SLC17A4: variants seen among roughly 807,000 people sequenced by gnomAD.
SLC17A4 encodes the protein solute carrier family 17 member 4.
SLC17A4 carries 33 observed loss-of-function variants against 52.5 expected under a neutral mutation model. The ratio of observed to expected loss-of-function variants is 0.63; its 90% CI spans 0.48 to 0.84. SLC17A4 has a LOEUF of 0.84. SLC17A4 is among the 40% of genes least tolerant of loss of function. The pLI, the probability that SLC17A4 is intolerant of heterozygous loss-of-function variation, is 0.00. For synonymous variants in SLC17A4, 225 were observed against 216.2 expected, an observed-to-expected ratio of 1.04 and a Z score of -0.36; for missense variants, 585 against 597.1, an observed-to-expected ratio of 0.98 and a Z score of 0.21.
intron 2 of SLC17A4, among the ~76,000 whole-genome samples, chr6:25,763,341 G>A (rs1277436987): frequency 6.6e-6 from 1 of 152,114 alleles, no homozygotes; most frequent in Non-Finnish European, 1.5e-5. Flanking sequence ...ACCTAATAAG[G>A]CAGAACCCCA....
At chr6:25,758,018 C>T (rs1332186372) in intron 1 of SLC17A4, among the ~76,000 whole-genome samples, 1 of 152,194 alleles carries the variant, frequency 6.6e-6, no homozygotes, top group Non-Finnish European at 1.5e-5. Context: ...CTGGTCTCCA[C>T]CTGTGCTTCT....
Position 25,770,168 on chromosome 6 carries a change from A to T in SLC17A4, c.399A>T (p.Gly133=). The T allele has an allele frequency of 6.2e-7, 1 of 1,613,996 alleles. No individual in the cohort carries two copies. The highest frequency in any genetic ancestry group is 8.5e-7 in the Non-Finnish European group (1 of 1,179,986). ...CAATCCCCAGTGGCTATGTGGCTGG[A>T]ATATTTGGAGCCAAGTATGTGGTTG... ...LAPIPSGYVA[G]IFGAKYVVGA... The change falls in exon 4 of 12, where the codon GGA becomes GGT. Residue 133 remains glycine, a synonymous_variant. Coordinates refer to ENST00000377905, the MANE Select transcript of SLC17A4 (RefSeq NM_005495.3).
intron 2 of SLC17A4, chr6:25,768,383 A>T: frequency 1.7e-5 from 17 of 987,146 alleles, no homozygotes; most frequent in Non-Finnish European, 1.9e-5. Flanking sequence ...ATGTATATGG[A>T]CTCAACCACA....
chr6:25,769,340 G>T, intron 3 of SLC17A4, 150 bp downstream of exon 3: 1 of 762,050 alleles, frequency 1.3e-6, no homozygotes, highest in Non-Finnish European at 2.1e-6. Flanking sequence ...ATCAGGCCGA[G>T]CATGGTGGCT....
intron 6 of SLC17A4, among the ~76,000 whole-genome samples, chr6:25,772,962 G>C (rs1479796358): frequency 6.6e-6 from 1 of 152,178 alleles, no homozygotes; most frequent in Non-Finnish European, 1.5e-5. Context: ...ATCTGCCTTG[G>C]TCAATGGATG....
chr6:25,768,734 A>G (rs1762229495), intron 2 of SLC17A4, among the ~76,000 whole-genome samples: 1 of 152,136 alleles, frequency 6.6e-6, no homozygotes, highest in South Asian at 2.1e-4. Flanking sequence ...CCCTGCCTAA[A>G]AAGCTCTCCC....
rs186659009 is a variant in SLC17A4, at chr6:25,773,771, G to A, written c.987+97G>A. On this transcript the variant is annotated intron_variant, in intron 8 of 11. Coordinates refer to ENST00000377905, the MANE Select transcript of SLC17A4 (RefSeq NM_005495.3). ...CTGTCTGTCCCATAGTCACAAAATC[G>A]GGGGATTAGGACCAGGCAGGACCTC... 63 of 1,343,800 alleles carry A rather than the reference G, an allele frequency of 4.7e-5. No individual in the cohort carries two copies. In the East Asian group the frequency reaches 9.6e-4, roughly 21 times the overall value. 83.2% of individuals were successfully genotyped at this position (1,343,800 alleles called of 1,614,324 possible). A position where few individuals can be genotyped will look rare whatever the true frequency, so the allele number is the denominator to read the frequency against.
At chr6:25,756,243 A>G (rs766219753) in intron 1 of SLC17A4, among the ~76,000 whole-genome samples, 13 of 152,106 alleles carry the variant, frequency 8.5e-5, no homozygotes, top group Non-Finnish European at 1.3e-4. Flanking sequence ...TTCACTCTGC[A>G]TCGCCATGTT....
chr6:25,763,902 A>G (rs79683123), intron 2 of SLC17A4, among the ~76,000 whole-genome samples: 8,736 of 152,224 alleles, frequency 0.057, 710 homozygotes, highest in African/African-American at 0.18. Flanking sequence ...ACAAAATCAA[A>G]AGCAAATCTA....
chr6:25,754,875 T>G (rs2151403585), intron 1 of SLC17A4, 94 bp downstream of exon 1: 1 of 152,244 alleles, frequency 6.6e-6, no homozygotes, highest in Admixed American at 6.5e-5. Context: ...AATTTGCTGT[T>G]TAGGGGCAGA....
intron 8 of SLC17A4, among the ~76,000 whole-genome samples, chr6:25,774,637 CA>C (rs1762749899): frequency 6.6e-6 from 1 of 152,170 alleles, no homozygotes; most frequent in Non-Finnish European, 1.5e-5. Flanking sequence ...CAGTGCTAAG[CA>C]ACAGACTTCC....
chr6:25,769,585 A>AAAGT (rs775878823), intron 3 of SLC17A4, among the ~76,000 whole-genome samples: 1 of 151,900 alleles, frequency 6.6e-6, no homozygotes, highest in Non-Finnish European at 1.5e-5. Context: ...AGAAAGAAAG[A>AAAGT]AAAGAAAGGA....
Position 25,756,923 on chromosome 6 carries a change from T to C in SLC17A4, c.-37+2142T>C, listed in dbSNP as rs143565423. 1.7e-4 allele frequency among the ~76,000 whole-genome samples: 26 copies of C among 152,336 alleles called. 2 individuals carry two copies. In the East Asian group the frequency reaches 2.3e-3, roughly 14 times the overall value. The stretch of plus-strand genomic sequence containing the variant: ...ATGTCTTTAGTTCTTGTGACTGATA[T>C]GATTTTTTCAATTCAACTAATTGCC... On this transcript the variant is annotated intron_variant, in intron 1 of 11. Coordinates refer to ENST00000377905, the MANE Select transcript of SLC17A4 (RefSeq NM_005495.3).
intron 6 of SLC17A4, among the ~76,000 whole-genome samples, chr6:25,771,855 G>A (rs750295569): frequency 3.9e-5 from 6 of 152,160 alleles, no homozygotes; most frequent in Non-Finnish European, 8.8e-5. Flanking sequence ...CTGCAGAAAG[G>A]TTCCAAAGAC....
At position 25,773,529 on chromosome 6, in the gene SLC17A4, G is replaced by A; in HGVS notation, c.842G>A (p.Trp281Ter). 6.2e-7 allele frequency: 1 copy of A among 1,613,866 alleles called. No homozygotes were observed. The highest frequency in any genetic ancestry group is 8.5e-7 in the Non-Finnish European group (1 of 1,179,882). ...TTCTTCCAGGACTGTTCACCAGGCT[G>A]GTCTCTTCCCATTAGGGCTATGATC... is the stretch of plus-strand genomic sequence containing the variant. ...SLAQQDCSPG[W>*]SLPIRAMIKS... Residue 281 changes from tryptophan (W) to a stop codon, truncating the protein, a stop_gained, in exon 8 of 12, where the codon TGG (tryptophan) becomes TAG (stop). Transcript: ENST00000377905. LOFTEE classifies it high-confidence loss of function.
chr6:25,778,771 C>T (rs887037266), intron 11 of SLC17A4, among the ~76,000 whole-genome samples: 9 of 152,152 alleles, frequency 5.9e-5, no homozygotes, highest in Admixed American at 5.2e-4. Flanking sequence ...GAAGGACTCA[C>T]CGTAATCACT....
At chr6:25,763,242 C>A (rs534764526) in intron 2 of SLC17A4, among the ~76,000 whole-genome samples, 8 of 152,312 alleles carry the variant, frequency 5.3e-5, no homozygotes, top group African/African-American at 1.9e-4. Context: ...CTGTATCAGA[C>A]AACAACTTTG....
rs766127591 is a variant in SLC17A4, at chr6:25,769,062, T to C, written c.169T>C (p.Leu57=). 3.7e-6 allele frequency: 6 copies of C among 1,613,990 alleles called. No homozygotes were observed. The African/African-American group carries it at 8.0e-5, about 22-fold the overall frequency. The change falls in exon 3 of 12, where the codon TTG becomes CTG. Residue 57 remains leucine (L), a synonymous_variant. Transcript: ENST00000377905. ...NFSIYTQQMN[L]SIAIPAMVNN... is the part of the protein sequence containing the mutation. ...TTCAATTTACACCCAACAAATGAACTTGAGCATTGCCATCCCAGCTATGGT... is the reference window on the plus strand; with the variant it reads ...TTCAATTTACACCCAACAAATGAACCTGAGCATTGCCATCCCAGCTATGGT...
intron 1 of SLC17A4, among the ~76,000 whole-genome samples, chr6:25,755,344 G>A (rs761852288): frequency 9.2e-5 from 14 of 152,114 alleles, no homozygotes; most frequent in Non-Finnish European, 1.9e-4. Flanking sequence ...TAATGATGAA[G>A]AGTTTAGGGC....
Sources: allele counts gnomAD v4.1 joint callset (sites outside exome capture counted in the v4.1 genomes callset), GRCh38; gene constraint gnomAD v4.1.1; transcripts MANE v1.5; gene names NCBI Gene and HGNC (gene_info 2026-07-23, HGNC 2026-07-21).